KCNQ1: variants seen among roughly 807,000 people sequenced by gnomAD.
The protein encoded by KCNQ1 is potassium voltage-gated channel subfamily Q member 1, also known as potassium voltage-gated channel subfamily KQT member 1.
In KCNQ1, 49 loss-of-function variants were observed where a neutral mutation model predicts 72.4. The ratio of observed to expected loss-of-function variants is 0.68; its 90% CI spans 0.54 to 0.86. KCNQ1 has a LOEUF of 0.86. KCNQ1 is among the 40% of genes least tolerant of loss of function. The pLI is 0.00. For synonymous variants in KCNQ1, 450 were observed against 412.6 expected, an observed-to-expected ratio of 1.09 and a Z score of -1.10; for missense variants, 790 against 945.1, an observed-to-expected ratio of 0.84 and a Z score of 2.15.
chr11:2,625,809 T>G (rs1589989113), intron 10 of KCNQ1: 1 of 398,368 alleles, frequency 2.5e-6, no homozygotes, highest in Non-Finnish European at 4.4e-6. Flanking sequence ...GACTTCATGA[T>G]CCTCCCGCCT....
At chr11:2,689,566 G>A (rs1304712673) in intron 11 of KCNQ1, 3 of 398,526 alleles carry the variant, frequency 7.5e-6, no homozygotes, top group African/African-American at 2.1e-5. Context: ...TGAATGATGT[G>A]GAAATCTGTT....
At chr11:2,646,557 ACT>A (rs1849669230) in intron 10 of KCNQ1, 1 of 398,550 alleles carries the variant, frequency 2.5e-6, no homozygotes, top group East Asian at 3.6e-5. Context: ...ACAGGGTCTC[ACT>A]CTGTTGCCCA....
rs1256965322 is a variant in KCNQ1, at chr11:2,734,041, G to GT, written c.1515-34801dup. Among the ~76,000 whole-genome samples, 1 of 151,976 alleles carries GT rather than the reference G, an allele frequency of 6.6e-6. No individual in the cohort carries two copies. The highest frequency in any genetic ancestry group is 2.4e-5 in the African/African-American group (1 of 41,362). On this transcript the variant is annotated intron_variant, in intron 11 of 15. Coordinates refer to ENST00000155840, the MANE Select transcript of KCNQ1 (RefSeq NM_000218.3). This position sits in a 1 kb window ranked among gnomAD's most constrained non-coding sequence, Gnocchi z 7.0. ...CGCTCTAAATCAGGACCACCTTGCG[G>GT]TTCTCCCAGCCCCAGCCTTGCCTTT... is the stretch of plus-strand genomic sequence containing the variant.
rs1847171484 is a variant in KCNQ1 at position 2,509,997 on chromosome 11, T to C, written c.387-17931T>C. ...TTTAAAGGCTAATTGGGATCGGTCG[T>C]GGTGCCTCAGGCCTGTCAATCCAGT... On this transcript the variant is annotated intron_variant, in intron 1 of 15. Coordinates refer to ENST00000155840, the MANE Select transcript of KCNQ1 (RefSeq NM_000218.3). The surrounding 1 kb of genome is among the most constrained non-coding windows in gnomAD (Gnocchi z 6.3). Among the ~76,000 whole-genome samples the C allele has an allele frequency of 6.6e-6, 1 of 152,090 alleles. No individual in the cohort carries two copies. The highest frequency in any genetic ancestry group is 6.5e-5 in the Admixed American group (1 of 15,272).
At chr11:2,501,682 G>A (rs143458785) in intron 1 of KCNQ1, among the ~76,000 whole-genome samples, 161 of 123,728 alleles carry the variant, frequency 1.3e-3, no homozygotes, top group African/African-American at 4.2e-3. Context: ...TACAAGGCCC[G>A]TATTACCCTG....
Position 2,830,213 on chromosome 11 carries a change from C to T in KCNQ1, c.1795-17554C>T, listed in dbSNP as rs970856807. 6.6e-6 allele frequency among the ~76,000 whole-genome samples: 1 copy of T among 152,080 alleles called. No homozygotes were observed. Among genetic ancestry groups the T allele is most frequent in the Non-Finnish European group, 1.5e-5 (1 of 67,994 alleles). ...GCACAGGCTCAGGACTGGCTGGGTG[C>T]TACGCAGGAGCCCTCTGACTAGCTG... On this transcript the variant is annotated intron_variant, in intron 15 of 15. Transcript: ENST00000155840. This position sits in a 1 kb window ranked among gnomAD's most constrained non-coding sequence, Gnocchi z 7.7.
chr11:2,542,353 C>T (rs918104620), intron 2 of KCNQ1, among the ~76,000 whole-genome samples: 15 of 152,228 alleles, frequency 9.9e-5, no homozygotes, highest in Non-Finnish European at 2.1e-4. Flanking sequence ...TAAGGGGCCC[C>T]GTGCCCACCA....
In KCNQ1 at chr11:2,673,603, C is replaced by A. The variant is rs185799874; in HGVS notation, c.1514+11522C>A. ...TTACTTGGGCTAAAGAGAAGCTAAA[C>A]GTGACCAGCCTACCCACCTTGCTAC... On this transcript the variant is annotated intron_variant, in intron 11 of 15. Coordinates refer to ENST00000155840, the MANE Select transcript of KCNQ1 (RefSeq NM_000218.3). This position sits in a 1 kb window ranked among gnomAD's most constrained non-coding sequence, Gnocchi z 4.5. The A allele has an allele frequency of 5.0e-6, 2 of 398,660 alleles. No homozygotes were observed. The highest frequency in any genetic ancestry group is 8.8e-6 in the Non-Finnish European group (2 of 226,162). The allele number at this position is 398,660 out of a possible 1,614,324, so 24.7% of individuals were successfully genotyped here. A position where few individuals can be genotyped will look rare whatever the true frequency, so the allele number is the denominator to read the frequency against.
rs375589316 is a variant in KCNQ1, at chr11:2,446,603, G to A, written c.386+1119G>A. ...CAGGCCCCAAATGGCTTCAAGCATC[G>A]TCTCAGGTGAGGGGGTGGGGTAGGG... On this transcript the variant is annotated intron_variant, in intron 1 of 15. Coordinates refer to ENST00000155840, the MANE Select transcript of KCNQ1 (RefSeq NM_000218.3). The surrounding 1 kb of genome is among the most constrained non-coding windows in gnomAD (Gnocchi z 8.8). Among the ~76,000 whole-genome samples the A allele has an allele frequency of 3.3e-5, 5 of 152,202 alleles. No individual in the cohort carries two copies. Among genetic ancestry groups the A allele is most frequent in the African/African-American group, 4.8e-5 (2 of 41,450 alleles).
rs924648490 is a variant in KCNQ1 at position 2,816,444 on chromosome 11, G to A, written c.1795-31323G>A. On this transcript the variant is annotated intron_variant, in intron 15 of 15. Transcript: ENST00000155840. This position sits in a 1 kb window ranked among gnomAD's most constrained non-coding sequence, Gnocchi z 6.8. ...TCCAGTGATCTCCTTCTGAGAATCC[G>A]CCCTGGAGCAGTAACACCCTTGGGA... Among the ~76,000 whole-genome samples, 7 of 152,146 alleles carry A rather than the reference G, an allele frequency of 4.6e-5. No homozygotes were observed. Among genetic ancestry groups the A allele is most frequent in the African/African-American group, 9.7e-5 (4 of 41,428 alleles).
At chr11:2,771,312 A>T (rs561332636) in intron 12 of KCNQ1, 19 of 152,440 alleles carry the variant, frequency 1.2e-4, no homozygotes, top group African/African-American at 4.1e-4. Context: ...GGACACTGGC[A>T]TTGAGGTTGA....
At position 2,784,373 on chromosome 11, in the gene KCNQ1, T is replaced by G. The variant is rs1846876839; in HGVS notation, c.1794+6336T>G. On this transcript the variant is annotated intron_variant, in intron 15 of 15. Transcript: ENST00000155840. This position sits in a 1 kb window ranked among gnomAD's most constrained non-coding sequence, Gnocchi z 4.7. ...TTCTATTATGTTGGTCTATATGCCT[T>G]TCTGTAAGTCTATATGCCTTTCTGT... Among the ~76,000 whole-genome samples, 1 of 151,978 alleles carries G rather than the reference T, an allele frequency of 6.6e-6. No homozygotes were observed. Among genetic ancestry groups the G allele is most frequent in the Non-Finnish European group, 1.5e-5 (1 of 67,834 alleles).
At chr11:2,552,656 C>T (rs1024427838) in intron 2 of KCNQ1, among the ~76,000 whole-genome samples, 3 of 152,126 alleles carry the variant, frequency 2.0e-5, no homozygotes, top group Admixed American at 1.3e-4. Flanking sequence ...ATCTCATACA[C>T]GTCTTAGTAA....
At chr11:2,456,936 C>T (rs1288659190) in intron 1 of KCNQ1, among the ~76,000 whole-genome samples, 2 of 95,586 alleles carry the variant, frequency 2.1e-5, no homozygotes, top group African/African-American at 5.8e-5. Flanking sequence ...AAGACTCGGT[C>T]TCAAAAAAAA....
chr11:2,646,662 C>A (rs955278530), intron 10 of KCNQ1: 1 of 398,568 alleles, frequency 2.5e-6, no homozygotes, highest in East Asian at 3.6e-5. Flanking sequence ...AGTAGCTGAA[C>A]TTCAGGTGCA....
Position 2,526,647 on chromosome 11 carries a change from T to G in KCNQ1, c.387-1281T>G, listed in dbSNP as rs1441526013. ...AGGCAGGCTGTGCTGGGAGGTAGCCTGTTTGTTGTGGGCTCTGGGGGCCTG... is the reference window on the plus strand; with the variant it reads ...AGGCAGGCTGTGCTGGGAGGTAGCCGGTTTGTTGTGGGCTCTGGGGGCCTG... On this transcript the variant is annotated intron_variant, in intron 1 of 15. Transcript: ENST00000155840. This position sits in a 1 kb window ranked among gnomAD's most constrained non-coding sequence, Gnocchi z 6.1. 1.4e-5 allele frequency among the ~76,000 whole-genome samples: 2 copies of G among 147,046 alleles called. No homozygotes were observed. The highest frequency in any genetic ancestry group is 3.0e-5 in the Non-Finnish European group (2 of 66,744).
At chr11:2,502,785 T>C (rs1409795135) in intron 1 of KCNQ1, among the ~76,000 whole-genome samples, 1 of 152,192 alleles carries the variant, frequency 6.6e-6, no homozygotes, top group Admixed American at 6.5e-5. Flanking sequence ...GTTCAAATTA[T>C]ACTACAGAGT....
rs1849173989 is a variant in KCNQ1, at chr11:2,621,624, T to C, written c.1393+32770T>C. The stretch of plus-strand genomic sequence containing the variant: ...TTTAATCTTAGCAGGTTGGTTTTTT[T>C]CTAGGAATTTGTCCATTTCCTCTAG... On this transcript the variant is annotated intron_variant, in intron 10 of 15. Transcript: ENST00000155840. The surrounding 1 kb of genome is among the most constrained non-coding windows in gnomAD (Gnocchi z 5.7). 2.5e-6 allele frequency: 1 copy of C among 398,398 alleles called. No individual in the cohort carries two copies. The allele number at this position is 398,398 out of a possible 1,614,324, so 24.7% of individuals were successfully genotyped here. A position where few individuals can be genotyped will look rare whatever the true frequency, so the allele number is the denominator to read the frequency against.
rs564284150 is a variant in KCNQ1, at chr11:2,785,962, A to C, written c.1794+7925A>C. On this transcript the variant is annotated intron_variant, in intron 15 of 15. Coordinates refer to ENST00000155840, the MANE Select transcript of KCNQ1 (RefSeq NM_000218.3). This position sits in a 1 kb window ranked among gnomAD's most constrained non-coding sequence, Gnocchi z 4.4. ...ACTTTGCTGTTGTATATTTTAGTTG[A>C]ACTGTGTTTAATTTTTAACTCACTA... is the stretch of plus-strand genomic sequence containing the variant. 2.6e-4 allele frequency among the ~76,000 whole-genome samples: 40 copies of C among 152,184 alleles called. No homozygotes were observed. Among genetic ancestry groups the C allele is most frequent in the African/African-American group, 6.7e-4 (28 of 41,556 alleles).
Sources: gnomAD v4.1 joint callset for allele counts (sites outside exome capture counted in the v4.1 genomes callset) on GRCh38, gnomAD v4.1.1 for gene constraint, Gnocchi (gnomAD v3.1) non-coding constraint, MANE v1.5 for transcripts, NCBI Gene and HGNC (gene_info 2026-07-23, HGNC 2026-07-21) for gene names.